Variants in ABHD12 observed in about 807,000 individuals in gnomAD.
ABHD12 encodes lysophosphatidylserine lipase ABHD12.
In ABHD12, 43 loss-of-function variants were observed where a neutral mutation model predicts 58.3. The observed-to-expected ratio is 0.74, with a 90% CI of 0.58 to 0.95. The LOEUF is 0.95. Among genes scored for constraint, ABHD12 ranks in the 40% least tolerant of loss-of-function variants. The pLI is 0.00. For synonymous variants in ABHD12, 219 were observed against 211.2 expected (o/e 1.04, Z -0.32); for missense variants, 539 against 537.2 (o/e 1.00, Z -0.03).
chr20:25,356,970 TAC>T (rs2089677285), intron 1 of ABHD12, among the ~76,000 whole-genome samples: 1 of 152,248 alleles, frequency 6.6e-6, no homozygotes, highest in Admixed American at 6.5e-5. Flanking sequence ...CTCTGCTCTC[TAC>T]AAATGAACAA....
rs1161391822 is a variant in ABHD12, at chr20:25,323,373, G to A, written c.374C>T (p.Thr125Met). The A allele has an allele frequency of 9.3e-6, 15 of 1,613,948 alleles. No individual in the cohort carries two copies. Among genetic ancestry groups the A allele is most frequent in the African/African-American group, 1.3e-5 (1 of 74,922 alleles). ...CTCTGGCTGCAGGTAGTAGTTACACGTGTGATTCAAACCTTGATCCTGTGG... is the reference window on the plus strand; with the variant it reads ...CTCTGGCTGCAGGTAGTAGTTACACATGTGATTCAAACCTTGATCCTGTGG... Reference protein sequence around the residue: ...KKPQDQGLNHTCNYYLQPEED... With the variant: ...KKPQDQGLNHMCNYYLQPEED... Residue 125 changes from threonine (T) to methionine (M), a missense_variant, in exon 3 of 13, where the codon ACG becomes ATG. Coordinates refer to ENST00000339157, the MANE Select transcript of ABHD12 (RefSeq NM_001042472.3).
chr20:25,349,638 C>A (rs1009298991), intron 1 of ABHD12, among the ~76,000 whole-genome samples: 1 of 152,084 alleles, frequency 6.6e-6, no homozygotes, highest in African/African-American at 2.4e-5. Flanking sequence ...GTGAAATAAG[C>A]CAGACACAAA....
chr20:25,390,483 C>G (rs763295201), intron 1 of ABHD12, 30 bp downstream of exon 1: 2 of 1,026,614 alleles, frequency 1.9e-6, no homozygotes, highest in African/African-American at 3.4e-5. Flanking sequence ...ACCGGCCCCC[C>G]CCCCCCCCCC....
At chr20:25,367,664 C>T (rs2089841719) in intron 1 of ABHD12, among the ~76,000 whole-genome samples, 1 of 152,214 alleles carries the variant, frequency 6.6e-6, no homozygotes, top group African/African-American at 2.4e-5. Flanking sequence ...TGGAATCATA[C>T]AGTACTTGTC....
intron 1 of ABHD12, among the ~76,000 whole-genome samples, chr20:25,384,942 G>A (rs764945837): frequency 6.6e-6 from 1 of 152,066 alleles, no homozygotes; most frequent in Non-Finnish European, 1.5e-5. Context: ...TTCTTTGATG[G>A]AGCACAAAAC....
intron 1 of ABHD12, chr20:25,368,705 A>T: frequency 7.5e-7 from 1 of 1,326,844 alleles, no homozygotes; most frequent in Non-Finnish European, 1.1e-6. Flanking sequence ...AACAGGTTGA[A>T]GGAGACGCGG....
rs557715775 is a variant in ABHD12, at chr20:25,308,352, C to A, written c.787+105G>T. The A allele has an allele frequency of 2.1e-5, 30 of 1,429,456 alleles. 1 individual carries two copies. The East Asian group carries it at 7.1e-4, about 34-fold the overall frequency. 88.5% of individuals were successfully genotyped at this position (1,429,456 alleles called of 1,614,324 possible). A position where few individuals can be genotyped will look rare whatever the true frequency, so the allele number is the denominator to read the frequency against. On this transcript the variant is annotated intron_variant, in intron 8 of 12. Transcript: ENST00000339157. ...TCAGCCCCGGGCCCCCCAGAATGTGCAGCTCATGCTGCTCCATGAGGACGC... is the reference window on the plus strand; with the variant it reads ...TCAGCCCCGGGCCCCCCAGAATGTGAAGCTCATGCTGCTCCATGAGGACGC...
intron 1 of ABHD12, among the ~76,000 whole-genome samples, chr20:25,372,903 C>T (rs973104978): frequency 1.3e-5 from 2 of 152,224 alleles, no homozygotes; most frequent in Non-Finnish European, 2.9e-5. Context: ...TCCAGTCCTG[C>T]AGGCTCCAAT....
intron 11 of ABHD12, among the ~76,000 whole-genome samples, chr20:25,303,046 CACAG>C (rs750037284): frequency 5.9e-5 from 9 of 152,248 alleles, no homozygotes; most frequent in Non-Finnish European, 7.3e-5. Flanking sequence ...ACTGAGGCCC[CACAG>C]ACAGCATGGT....
intron 1 of ABHD12, among the ~76,000 whole-genome samples, chr20:25,362,435 C>T (rs897970939): frequency 1.3e-5 from 2 of 151,612 alleles, no homozygotes; most frequent in Non-Finnish European, 2.9e-5. Flanking sequence ...GGCGTGGTGG[C>T]GGGTGCCTAT....
At position 25,300,761 on chromosome 20, in the gene ABHD12, C is replaced by A. The variant is rs1248806656; in HGVS notation, c.*84G>T. ...CCTGAGCATTGCAGGTGCCGGCCCC[C>A]CGGGGCTTCAGGATACCGGGCTGCT... On this transcript the variant is annotated 3_prime_UTR_variant, in exon 13 of 13. Transcript: ENST00000339157. 3.1e-6 allele frequency: 5 copies of A among 1,610,026 alleles called. No homozygotes were observed. Among genetic ancestry groups the A allele is most frequent in the Non-Finnish European group, 4.2e-6 (5 of 1,178,740 alleles).
At chr20:25,359,395 G>A (rs1253606181) in intron 1 of ABHD12, among the ~76,000 whole-genome samples, 2 of 128,850 alleles carry the variant, frequency 1.6e-5, no homozygotes, top group Non-Finnish European at 3.1e-5. Context: ...CTGCACTCCC[G>A]CCTGGGCCAC....
chr20:25,335,811 G>T (rs1449188700), intron 2 of ABHD12, among the ~76,000 whole-genome samples: 1 of 115,990 alleles, frequency 8.6e-6, no homozygotes, highest in Admixed American at 1.0e-4. Flanking sequence ...CTGTTGTGGG[G>T]TGGGGGGAGG....
intron 3 of ABHD12, among the ~76,000 whole-genome samples, chr20:25,322,551 TG>T (rs1412121762): frequency 2.7e-5 from 4 of 150,294 alleles, no homozygotes; most frequent in African/African-American, 9.8e-5. Context: ...AGCTAATTTT[TG>T]TATTTTTTTT....
intron 3 of ABHD12, among the ~76,000 whole-genome samples, chr20:25,322,703 A>G (rs2089102657): frequency 6.8e-6 from 1 of 147,262 alleles, no homozygotes; most frequent in South Asian, 2.2e-4. Flanking sequence ...TATTCAAACC[A>G]GTGTTTGTGA....
chr20:25,296,552 C>T (rs200109245), downstream of ABHD12: 3 of 1,588,666 alleles, frequency 1.9e-6, no homozygotes, highest in Non-Finnish European at 2.6e-6. Flanking sequence ...GACCAGCGGG[C>T]ATTTGTTTTC....
chr20:25,300,037 G>A (rs1045552144), downstream of ABHD12, among the ~76,000 whole-genome samples: 2 of 152,136 alleles, frequency 1.3e-5, no homozygotes, highest in South Asian at 4.1e-4. Context: ...AAAGGGGCGA[G>A]CAGGTGAACA....
At chr20:25,385,826 C>T (rs1047261322) in intron 1 of ABHD12, among the ~76,000 whole-genome samples, 2 of 151,940 alleles carry the variant, frequency 1.3e-5, no homozygotes, top group Non-Finnish European at 2.9e-5. Context: ...TGGCCGGGTG[C>T]GGTGGCTGAC....
At chr20:25,376,780 G>C (rs1032498042) in intron 1 of ABHD12, among the ~76,000 whole-genome samples, 9 of 152,164 alleles carry the variant, frequency 5.9e-5, no homozygotes, top group Non-Finnish European at 8.8e-5. Flanking sequence ...GTGAAGGCTA[G>C]GTCAACGAAA....
Sources: gnomAD v4.1 joint callset for allele counts (sites outside exome capture counted in the v4.1 genomes callset) on GRCh38, gnomAD v4.1.1 for gene constraint, MANE v1.5 for transcripts, NCBI Gene and HGNC (gene_info 2026-07-23, HGNC 2026-07-21) for gene names.